The following BMPER variants were observed in gnomAD, a reference collection of about 807,000 sequenced individuals.
BMPER encodes the protein BMP-binding endothelial regulator protein.
Under a neutral mutation model 87.3 loss-of-function variants are expected in BMPER, and 45 were observed. The ratio of observed to expected loss-of-function variants is 0.52; its 90% CI spans 0.41 to 0.66. The LOEUF is 0.66. BMPER is among the 30% of genes least tolerant of loss of function. The probability of loss-of-function intolerance (pLI) is 0.00; values close to 1 mark genes in which losing one functional copy is unlikely to be tolerated. For missense variants in BMPER, 784 were observed against 867.5 expected (o/e 0.90, Z 1.21); for synonymous variants, 326 against 316.2 (o/e 1.03, Z -0.33).
intron 13 of BMPER, among the ~76,000 whole-genome samples, chr7:34,115,326 C>G (rs544697066): frequency 2.6e-5 from 4 of 152,262 alleles, no homozygotes; most frequent in Admixed American, 6.5e-5. Flanking sequence ...CTAAAAAACA[C>G]TAGTGTTATT....
chr7:34,053,750 CAG>C (rs1361168685), intron 8 of BMPER, among the ~76,000 whole-genome samples: 2 of 152,042 alleles, frequency 1.3e-5, no homozygotes, highest in African/African-American at 2.4e-5. Flanking sequence ...GGTCTTGTCT[CAG>C]GGGTAGAAGA....
chr7:34,113,050 T>A (rs1056112709), intron 13 of BMPER, among the ~76,000 whole-genome samples: 1 of 151,654 alleles, frequency 6.6e-6, no homozygotes, highest in African/African-American at 2.4e-5. Flanking sequence ...TAAATATATA[T>A]CAATATAATG....
intron 2 of BMPER, among the ~76,000 whole-genome samples, chr7:33,919,547 A>G (rs1228154585): frequency 6.6e-6 from 1 of 152,188 alleles, no homozygotes; most frequent in East Asian, 1.9e-4. Context: ...GGGAGGGGAG[A>G]AGCAGTGCTC....
At chr7:34,042,735 T>C (rs1038186093) in intron 6 of BMPER, 8 of 152,216 alleles carry the variant, frequency 5.3e-5, no homozygotes, top group African/African-American at 9.6e-5. Context: ...TAATTTTTTA[T>C]TGAGGTTTTG....
chr7:34,063,801 T>A (rs1788504126), intron 11 of BMPER, among the ~76,000 whole-genome samples: 1 of 152,220 alleles, frequency 6.6e-6, no homozygotes. Context: ...ACTGATGAAG[T>A]TTTCCTCTGT....
chr7:33,946,668 G>T (rs1214332098), intron 3 of BMPER, among the ~76,000 whole-genome samples: 2 of 152,114 alleles, frequency 1.3e-5, no homozygotes, highest in Non-Finnish European at 2.9e-5. Flanking sequence ...GAGTAGAGGG[G>T]TCACACAAAA....
chr7:33,983,298 T>C (rs1283212857), intron 6 of BMPER, among the ~76,000 whole-genome samples: 1 of 152,178 alleles, frequency 6.6e-6, no homozygotes, highest in African/African-American at 2.4e-5. Flanking sequence ...TGTTTGTAGC[T>C]GAAATATTCT....
At chr7:33,951,539 TTTC>T (rs1478659152) in intron 3 of BMPER, among the ~76,000 whole-genome samples, 2 of 152,284 alleles carry the variant, frequency 1.3e-5, no homozygotes, top group Admixed American at 6.5e-5. Context: ...TTAAGTATCT[TTTC>T]TTCTTAACAC....
chr7:34,024,167 G>C (rs1417927546), intron 6 of BMPER, among the ~76,000 whole-genome samples: 1 of 150,418 alleles, frequency 6.6e-6, no homozygotes, highest in African/African-American at 2.4e-5. Flanking sequence ...ATACCAGTCT[G>C]ATCAACATGG....
intron 2 of BMPER, among the ~76,000 whole-genome samples, chr7:33,921,431 T>C (rs1429413577): frequency 6.6e-6 from 1 of 152,214 alleles, no homozygotes; most frequent in African/African-American, 2.4e-5. Context: ...GAGTTGGGAC[T>C]GCAATTCAAG....
intron 11 of BMPER, among the ~76,000 whole-genome samples, chr7:34,073,961 G>A (rs1389549587): frequency 6.6e-6 from 1 of 152,228 alleles, no homozygotes; most frequent in African/African-American, 2.4e-5. Context: ...GGTGAGGGGG[G>A]CCAGCACTGG....
intron 13 of BMPER, among the ~76,000 whole-genome samples, chr7:34,092,321 C>T (rs992156351): frequency 6.6e-6 from 1 of 152,178 alleles, no homozygotes; most frequent in African/African-American, 2.4e-5. Context: ...TTATAATTCA[C>T]AAGTCTCTTG....
chr7:33,969,620 CG>C lies in BMPER; in HGVS notation c.403-708del, dbSNP rs1440647361. On this transcript the variant is annotated intron_variant, in intron 4 of 14. Coordinates refer to ENST00000649409, the MANE Select transcript of BMPER (RefSeq NM_001365308.1). Reference sequence around the variant, plus strand: ...TTCACTGTGTTAGCCAGGATGGTCTCGATCTCCTGACTTCGTGATCCGCCCG... The same window carrying C: ...TTCACTGTGTTAGCCAGGATGGTCTCATCTCCTGACTTCGTGATCCGCCCG... Among the ~76,000 whole-genome samples the C allele has an allele frequency of 3.3e-5, 5 of 152,154 alleles. 1 individual carries two copies. Among genetic ancestry groups the C allele is most frequent in the African/African-American group, 1.2e-4 (5 of 41,436 alleles).
upstream of BMPER, chr7:33,905,072 C>G (rs1000154064): frequency 3.8e-5 from 6 of 158,432 alleles, no homozygotes; most frequent in Non-Finnish European, 5.5e-5. Context: ...GGGAGGCGCC[C>G]GGTGAGCCCA....
intron 10 of BMPER, among the ~76,000 whole-genome samples, chr7:34,060,995 C>T (rs987187328): frequency 6.6e-6 from 1 of 152,168 alleles, no homozygotes; most frequent in South Asian, 2.1e-4. Flanking sequence ...TTCTACTACT[C>T]TTGTGTTGCA....
At chr7:34,116,671 ACAAT>A (rs1790125534) in intron 13 of BMPER, among the ~76,000 whole-genome samples, 2 of 152,262 alleles carry the variant, frequency 1.3e-5, no homozygotes, top group Admixed American at 6.5e-5. Flanking sequence ...CAAACAATAA[ACAAT>A]CAAACAACAA....
chr7:34,126,966 G>A (rs760943163), intron 13 of BMPER, among the ~76,000 whole-genome samples: 5 of 152,134 alleles, frequency 3.3e-5, no homozygotes, highest in Non-Finnish European at 7.3e-5. Context: ...TACAATGATA[G>A]CAATGAAACA....
At chr7:34,104,474 G>A (rs561552589) in intron 13 of BMPER, among the ~76,000 whole-genome samples, 1 of 152,254 alleles carries the variant, frequency 6.6e-6, no homozygotes, top group South Asian at 2.1e-4. Flanking sequence ...ATGATTGCAG[G>A]GTGTTTAAAC....
chr7:34,115,025 T>C (rs987998055), intron 13 of BMPER, among the ~76,000 whole-genome samples: 1 of 152,210 alleles, frequency 6.6e-6, no homozygotes, highest in Non-Finnish European at 1.5e-5. Flanking sequence ...ATAAAATAAT[T>C]CTTAATTTTC....
Sources: allele counts gnomAD v4.1 joint callset (sites outside exome capture counted in the v4.1 genomes callset), GRCh38; gene constraint gnomAD v4.1.1; transcripts MANE v1.5; gene names NCBI Gene and HGNC (gene_info 2026-07-23, HGNC 2026-07-21).